The following PREX1 variants were observed in gnomAD, a reference collection of about 807,000 sequenced individuals.
The protein encoded by PREX1 is phosphatidylinositol-3,4,5-trisphosphate dependent Rac exchange factor 1.
Under a neutral mutation model 198.3 loss-of-function variants are expected in PREX1, and 41 were observed. That is an observed-to-expected ratio of 0.21 (90% CI 0.16 to 0.27). PREX1 has a LOEUF of 0.27. Among genes scored for constraint, PREX1 ranks in the 10% least tolerant of loss-of-function variants. PREX1 has a pLI of 1.00. For synonymous variants in PREX1, 843 were observed against 887.2 expected (o/e 0.95, Z 0.89); for missense variants, 1,620 against 2,200.7 (o/e 0.74, Z 5.28).
At chr20:48,764,638 C>G (rs2090199512) in intron 1 of PREX1, among the ~76,000 whole-genome samples, 1 of 151,926 alleles carries the variant, frequency 6.6e-6, no homozygotes, top group African/African-American at 2.4e-5. Context: ...AAAAAATTAG[C>G]CAGATGTGGT....
At chr20:48,867,421 G>C in the PREX1 span, among the ~76,000 whole-genome samples, 1 of 152,236 alleles carries the variant, frequency 6.6e-6, no homozygotes, top group South Asian at 2.1e-4. Context: ...GGAATGTCTA[G>C]AAGAGGCACA....
chr20:48,695,532 T>C (rs1461860310), intron 7 of PREX1, among the ~76,000 whole-genome samples: 1 of 152,268 alleles, frequency 6.6e-6, no homozygotes, highest in African/African-American at 2.4e-5. Flanking sequence ...GATTTTCCCA[T>C]GCCCAACAGT....
At chr20:48,705,337 G>C (rs149676717) in intron 6 of PREX1, among the ~76,000 whole-genome samples, 1,578 of 152,330 alleles carry the variant, frequency 0.01, 12 homozygotes, top group Middle Eastern at 0.017. Context: ...ACAAACAGTG[G>C]CTCACAAAGG....
chr20:48,875,170 G>A, the PREX1 span, among the ~76,000 whole-genome samples: 1 of 152,220 alleles, frequency 6.6e-6, no homozygotes, highest in South Asian at 2.1e-4. Flanking sequence ...GTGCGCTCAG[G>A]GGGCTTCATT....
rs1359762426 is a variant in PREX1 at position 48,644,480 on chromosome 20, C to T, written c.3530G>A (p.Arg1177Gln). 6 of 1,613,522 alleles carry T rather than the reference C, an allele frequency of 3.7e-6. No homozygotes were observed. The highest frequency in any genetic ancestry group is 1.3e-5 in the African/African-American group (1 of 74,914). Residue 1177 changes from arginine to glutamine, a missense_variant, in exon 27 of 40, where the codon CGA becomes CAA. Physicochemically the swap from Arg to Gln is conservative, Grantham distance 43. This residue lies in a region of PREX1 where 29 missense variants were observed against 26.1 expected (regional missense o/e 1.11). Transcript: ENST00000371941. ...RDSYSECNSN[R>Q]DSVLSYTSVR... Reference sequence around the variant, plus strand: ...GCTGGTGTAGGACAGGACCGAGTCTCGATTGCTGTTACACTCGCTGCAAAG... The same window carrying T: ...GCTGGTGTAGGACAGGACCGAGTCTTGATTGCTGTTACACTCGCTGCAAAG...
At chr20:48,754,673 T>C (rs2090149033) in intron 1 of PREX1, among the ~76,000 whole-genome samples, 1 of 125,522 alleles carries the variant, frequency 8.0e-6, no homozygotes, top group African/African-American at 3.1e-5. Context: ...AGGGCCAGGG[T>C]ATGGGCTGGG....
At chr20:48,808,581 G>A (rs2090421981) in intron 1 of PREX1, among the ~76,000 whole-genome samples, 1 of 152,114 alleles carries the variant, frequency 6.6e-6, no homozygotes. Flanking sequence ...GGGATCCTGC[G>A]AAAACTGAGT....
At chr20:48,680,861 C>T (rs2089744613) in intron 11 of PREX1, among the ~76,000 whole-genome samples, 2 of 149,648 alleles carry the variant, frequency 1.3e-5, no homozygotes, top group South Asian at 2.2e-4. Flanking sequence ...CCTCCAACTA[C>T]AAGGTCGGCT....
intron 1 of PREX1, among the ~76,000 whole-genome samples, chr20:48,785,489 G>A (rs2090307962): frequency 6.6e-6 from 1 of 152,194 alleles, no homozygotes; most frequent in Non-Finnish European, 1.5e-5. Flanking sequence ...CCCCCTGGTG[G>A]TGCCAAGGCT....
chr20:48,628,686 C>T (rs1333772754), intron 37 of PREX1, among the ~76,000 whole-genome samples: 1 of 152,204 alleles, frequency 6.6e-6, no homozygotes, highest in Admixed American at 6.5e-5. Context: ...TAGGTGAGAT[C>T]CCCTAAAATA....
intron 3 of PREX1, among the ~76,000 whole-genome samples, chr20:48,740,701 ATAATTT>A (rs942756384): frequency 6.6e-6 from 1 of 152,256 alleles, no homozygotes; most frequent in Non-Finnish European, 1.5e-5. Flanking sequence ...AAGAGGCGTG[ATAATTT>A]TAATTTTTAA....
intron 15 of PREX1, among the ~76,000 whole-genome samples, chr20:48,665,198 CTAATCCTGCCCCAGACGGCCTGAATTA>C (rs1464704660): frequency 2.0e-5 from 3 of 148,630 alleles, no homozygotes; most frequent in African/African-American, 2.5e-5. Context: ...GGCCTGAGTT[CTAATCCTGCCCCAGACGGCCTGAATTA>C]TAATCCTGGC....
At chr20:48,870,236 T>A in the PREX1 span, among the ~76,000 whole-genome samples, 1 of 152,308 alleles carries the variant, frequency 6.6e-6, no homozygotes, top group African/African-American at 2.4e-5. Flanking sequence ...CACACCTTAT[T>A]GTTTTAATAC....
chr20:48,850,794 C>T, the PREX1 span, among the ~76,000 whole-genome samples: 1 of 152,142 alleles, frequency 6.6e-6, no homozygotes. Context: ...TGCCTCTGCA[C>T]CTGCCAACCT....
chr20:48,645,662 G>A (rs1184845135), intron 26 of PREX1, among the ~76,000 whole-genome samples, 189 bp downstream of exon 26: 1 of 152,174 alleles, frequency 6.6e-6, no homozygotes, highest in Admixed American at 6.5e-5. Context: ...TTGCAACTGG[G>A]GAGCCTAAGT....
chr20:48,745,546 TG>T (rs2090103731), intron 2 of PREX1, among the ~76,000 whole-genome samples: 1 of 152,220 alleles, frequency 6.6e-6, no homozygotes, highest in Non-Finnish European at 1.5e-5. Flanking sequence ...CAGACACAAC[TG>T]CTGTGTCCAG....
intron 1 of PREX1, among the ~76,000 whole-genome samples, chr20:48,794,786 AGT>A (rs1291181475): frequency 2.0e-5 from 3 of 152,224 alleles, no homozygotes; most frequent in Non-Finnish European, 2.9e-5. Context: ...GGGAGACAGC[AGT>A]GCTATTTAAC....
intron 1 of PREX1, among the ~76,000 whole-genome samples, chr20:48,766,992 C>T (rs2090211575): frequency 6.6e-6 from 1 of 152,206 alleles, no homozygotes; most frequent in South Asian, 2.1e-4. Context: ...CTCTCTGGGC[C>T]TCAGTTTCCC....
At position 48,827,875 on chromosome 20, in the gene PREX1, G is replaced by T; in HGVS notation, c.-15C>A. 3 of 972,568 alleles carry T rather than the reference G, an allele frequency of 3.1e-6. No individual in the cohort carries two copies. The highest frequency in any genetic ancestry group is 3.7e-6 in the Non-Finnish European group (3 of 821,502). 60.2% of individuals were successfully genotyped at this position (972,568 alleles called of 1,614,324 possible). A position where few individuals can be genotyped will look rare whatever the true frequency, so the allele number is the denominator to read the frequency against. ...GGCGCCTCCATTCTAGCGCGGCCGC[G>T]CGGCGCCGGCTCCTTCCGTCGCGCC... is the stretch of plus-strand genomic sequence containing the variant. On this transcript the variant is annotated 5_prime_UTR_variant, in exon 1 of 40. Coordinates refer to ENST00000371941, the MANE Select transcript of PREX1 (RefSeq NM_020820.4). This position sits in a 1 kb window ranked among gnomAD's most constrained non-coding sequence, Gnocchi z 4.1.
Sources: gnomAD v4.1 joint callset for allele counts (sites outside exome capture counted in the v4.1 genomes callset) on GRCh38, gnomAD v4.1.1 for gene constraint, gnomAD v4.1.1 regional missense constraint, Gnocchi (gnomAD v3.1) non-coding constraint, MANE v1.5 for transcripts, NCBI Gene and HGNC (gene_info 2026-07-23, HGNC 2026-07-21) for gene names.